RNF180: variants seen among roughly 807,000 people sequenced by gnomAD.
RNF180 encodes the protein E3 ubiquitin-protein ligase RNF180.
Under a neutral mutation model 59.2 loss-of-function variants are expected in RNF180, and 38 were observed. The ratio of observed to expected loss-of-function variants is 0.64; its 90% CI spans 0.50 to 0.84. The LOEUF is 0.84. RNF180 is among the 40% of genes least tolerant of loss of function. RNF180 has a pLI of 0.00. For missense variants in RNF180, 705 were observed against 700.9 expected, an observed-to-expected ratio of 1.01 and a Z score of -0.07; for synonymous variants, 262 against 240.3, an observed-to-expected ratio of 1.09 and a Z score of -0.84.
intron 5 of RNF180, among the ~76,000 whole-genome samples, chr5:64,321,457 A>G (rs2112510791): frequency 6.6e-6 from 1 of 152,278 alleles, no homozygotes; most frequent in African/African-American, 2.4e-5. Flanking sequence ...GAATACAGCT[A>G]ACAAGGGATG....
rs781482398 is a variant in RNF180, at chr5:64,214,522, T to C, written c.1191+5T>C. 6 of 1,605,558 alleles carry C rather than the reference T, an allele frequency of 3.7e-6. No homozygotes were observed. Among genetic ancestry groups the C allele is most frequent in the Non-Finnish European group, 5.1e-6 (6 of 1,175,304 alleles). Reference sequence around the variant, plus strand: ...GAAAGATGGCTACAGAAGCAGGTAATATTTTTCAAAAGAGTTTACTAAAAA... The same window carrying C: ...GAAAGATGGCTACAGAAGCAGGTAACATTTTTCAAAAGAGTTTACTAAAAA... On this transcript the variant is annotated splice_donor_5th_base_variant and intron_variant, in intron 4 of 7. Coordinates refer to ENST00000389100, the MANE Select transcript of RNF180 (RefSeq NM_001113561.2).
chr5:64,353,716 G>A (rs942498403), intron 7 of RNF180, among the ~76,000 whole-genome samples: 5 of 151,806 alleles, frequency 3.3e-5, no homozygotes, highest in Non-Finnish European at 5.9e-5. Context: ...AAAAGACATC[G>A]TAGTACCACA....
intron 5 of RNF180, among the ~76,000 whole-genome samples, chr5:64,312,537 A>G (rs773272141): frequency 1.3e-5 from 2 of 151,752 alleles, no homozygotes; most frequent in African/African-American, 2.4e-5. Flanking sequence ...TCTCTGTTCA[A>G]TCAGACATTT....
At chr5:64,222,257 A>G (rs1741384330) in intron 5 of RNF180, among the ~76,000 whole-genome samples, 1 of 152,166 alleles carries the variant, frequency 6.6e-6, no homozygotes, top group South Asian at 2.1e-4. Context: ...GAGGACTCAT[A>G]GAACTAAGCA....
intron 5 of RNF180, among the ~76,000 whole-genome samples, chr5:64,233,794 T>C (rs1182573368): frequency 6.6e-6 from 1 of 152,204 alleles, no homozygotes; most frequent in Admixed American, 6.5e-5. Context: ...AAAAATTCAA[T>C]AACCTTTCTG....
rs72752821 is a variant in RNF180, at chr5:64,250,935, C to T, written c.1227+33539C>T. 8.9e-3 allele frequency among the ~76,000 whole-genome samples: 1,348 copies of T among 152,132 alleles called. 18 individuals are homozygous for T. Among genetic ancestry groups the T allele is most frequent in the Admixed American group, 0.015 (234 of 15,254 alleles). ...GAAAACTACAGTCCAATAAAGCTGACGAACATAGATGCAAAAATCCTCAGT... is the reference window on the plus strand; with the variant it reads ...GAAAACTACAGTCCAATAAAGCTGATGAACATAGATGCAAAAATCCTCAGT... On this transcript the variant is annotated intron_variant, in intron 5 of 7. Transcript: ENST00000389100.
chr5:64,334,128 A>G (rs1745026433), intron 7 of RNF180, among the ~76,000 whole-genome samples: 3 of 152,172 alleles, frequency 2.0e-5, no homozygotes, highest in African/African-American at 7.2e-5. Context: ...GCAGTTTTTC[A>G]GACCCTGAGG....
At chr5:64,320,706 A>G (rs1164903776) in intron 5 of RNF180, among the ~76,000 whole-genome samples, 1 of 152,206 alleles carries the variant, frequency 6.6e-6, no homozygotes, top group Non-Finnish European at 1.5e-5. Flanking sequence ...ACCTGACACA[A>G]GGAAAAACAG....
At chr5:64,274,837 T>C (rs1393813949) in intron 5 of RNF180, among the ~76,000 whole-genome samples, 1 of 152,038 alleles carries the variant, frequency 6.6e-6, no homozygotes, top group African/African-American at 2.4e-5. Flanking sequence ...ACCATAAACA[T>C]CAGGGTTTTA....
intron 5 of RNF180, among the ~76,000 whole-genome samples, chr5:64,320,225 G>A (rs1744276585): frequency 6.6e-6 from 1 of 152,118 alleles, no homozygotes; most frequent in African/African-American, 2.4e-5. Flanking sequence ...TCTTGATCCT[G>A]CCCTTCCACT....
At chr5:64,363,978 CT>C (rs1746353080) in intron 7 of RNF180, among the ~76,000 whole-genome samples, 1 of 151,468 alleles carries the variant, frequency 6.6e-6, no homozygotes, top group African/African-American at 2.4e-5. Flanking sequence ...AGCTTAAGAA[CT>C]TTTAGACTGA....
chr5:64,302,174 C>T (rs1177390451), intron 5 of RNF180, among the ~76,000 whole-genome samples: 2 of 151,486 alleles, frequency 1.3e-5, no homozygotes, highest in Non-Finnish European at 3.0e-5. Flanking sequence ...CACATATACC[C>T]AATATACACT....
chr5:64,286,300 A>G (rs908825498), intron 5 of RNF180, among the ~76,000 whole-genome samples: 4 of 152,220 alleles, frequency 2.6e-5, no homozygotes, highest in African/African-American at 7.2e-5. Flanking sequence ...GGCTGAAACC[A>G]TAGAACCACT....
intron 5 of RNF180, among the ~76,000 whole-genome samples, chr5:64,285,246 G>T (rs150936325): frequency 3.3e-5 from 5 of 152,190 alleles, no homozygotes; most frequent in Non-Finnish European, 7.3e-5. Context: ...GTTTGGGGGT[G>T]CTGGCCACAG....
chr5:64,208,327 T>C (rs1020792650), intron 2 of RNF180, among the ~76,000 whole-genome samples: 21 of 152,056 alleles, frequency 1.4e-4, no homozygotes, highest in Admixed American at 1.2e-3. Flanking sequence ...ATCTGTTTAG[T>C]AATTTTTTTA....
intron 1 of RNF180, among the ~76,000 whole-genome samples, chr5:64,199,834 T>C (rs1252296891): frequency 2.6e-5 from 4 of 152,196 alleles, no homozygotes; most frequent in African/African-American, 9.7e-5. Flanking sequence ...TTATCCCAAA[T>C]TGGCTTAAAG....
chr5:64,276,246 G>T (rs1741703901), intron 5 of RNF180, among the ~76,000 whole-genome samples: 1 of 151,642 alleles, frequency 6.6e-6, no homozygotes. Context: ...TCCATTCCTT[G>T]AGCATTTTCT....
intron 5 of RNF180, among the ~76,000 whole-genome samples, chr5:64,321,089 C>G (rs1187289639): frequency 6.6e-6 from 1 of 152,042 alleles, no homozygotes; most frequent in East Asian, 1.9e-4. Flanking sequence ...TGGAAGCATT[C>G]CATTTGAAAA....
intron 2 of RNF180, among the ~76,000 whole-genome samples, chr5:64,209,110 AAGC>A (rs1580004645): frequency 2.0e-5 from 3 of 152,172 alleles, no homozygotes; most frequent in East Asian, 1.9e-4. Context: ...GGCAATGTGG[AAGC>A]TTGGGATCGC....
Sources: gnomAD v4.1 joint callset for allele counts (sites outside exome capture counted in the v4.1 genomes callset) on GRCh38, gnomAD v4.1.1 for gene constraint, MANE v1.5 for transcripts, NCBI Gene and HGNC (gene_info 2026-07-23, HGNC 2026-07-21) for gene names.